The following IRAK3 variants were observed in gnomAD, a reference collection of about 807,000 sequenced individuals.
IRAK3 encodes the protein interleukin-1 receptor-associated kinase 3.
In IRAK3, 57 loss-of-function variants were observed where a neutral mutation model predicts 56.6. The ratio of observed to expected loss-of-function variants is 1.01; its 90% CI spans 0.81 to 1.26. The LOEUF (loss-of-function observed/expected upper bound fraction) is 1.26, where lower values mean the gene tolerates loss of function less well. Among genes scored for constraint, IRAK3 ranks in the 50% most tolerant of loss-of-function variants. The pLI is 0.00. For synonymous variants in IRAK3, 258 were observed against 255.7 expected, an observed-to-expected ratio of 1.01 and a Z score of -0.09; for missense variants, 703 against 719.0, an observed-to-expected ratio of 0.98 and a Z score of 0.25.
chr12:66,199,491 C>T (rs770889572), intron 1 of IRAK3, among the ~76,000 whole-genome samples: 5 of 152,102 alleles, frequency 3.3e-5, no homozygotes, highest in Non-Finnish European at 7.4e-5. Context: ...TTTTTTCCTC[C>T]CCAGGATAGT....
At chr12:66,245,826 TTATAAA>T in intron 11 of IRAK3, among the ~76,000 whole-genome samples, 1 of 152,246 alleles carries the variant, frequency 6.6e-6, no homozygotes, top group South Asian at 2.1e-4. Context: ...ATCTGGCTCA[TTATAAA>T]TGCAGCATAT....
chr12:66,230,542 G>A (rs1198429755), intron 8 of IRAK3, among the ~76,000 whole-genome samples: 1 of 152,122 alleles, frequency 6.6e-6, no homozygotes, highest in Admixed American at 6.5e-5. Flanking sequence ...AATGTGGCTG[G>A]GTGAGGCAGC....
At chr12:66,235,008 G>A (rs937596967) in intron 8 of IRAK3, 18 of 1,613,558 alleles carry the variant, frequency 1.1e-5, no homozygotes, top group Non-Finnish European at 1.4e-5. Flanking sequence ...GTTGTCTTAT[G>A]CAAAATTGCG....
chr12:66,247,913 G>T lies in IRAK3; in HGVS notation c.1533G>T (p.Gln511His). ...AGAAAACTCCTTTTGAATGCAGCCA[G>T]TCTGAGGTTATGTTTCTGAGCTTGG... ...MTQKTPFECS[Q>H]SEVMFLSLDK... Residue 511 changes from glutamine to histidine, a missense_variant, in exon 12 of 12, where the codon CAG (glutamine) becomes CAT (histidine). By Grantham distance (24) the Gln-to-His change is conservative. Transcript: ENST00000261233. The T allele has an allele frequency of 6.2e-7, 1 of 1,614,248 alleles. No homozygotes were observed. The highest frequency in any genetic ancestry group is 8.5e-7 in the Non-Finnish European group (1 of 1,180,048).
At chr12:66,207,189 G>T (rs779663316) in intron 2 of IRAK3, among the ~76,000 whole-genome samples, 1 of 151,562 alleles carries the variant, frequency 6.6e-6, no homozygotes, top group African/African-American at 2.4e-5. Context: ...CTTCTATTTC[G>T]GCCAGGCGAG....
chr12:66,223,425 C>T lies in IRAK3; in HGVS notation c.654-3298C>T, dbSNP rs573977162. Among the ~76,000 whole-genome samples, 4 of 151,790 alleles carry T rather than the reference C, an allele frequency of 2.6e-5. No homozygotes were observed. The South Asian group carries it at 6.3e-4, about 24-fold the overall frequency. ...CTGTAATCCCAGCACTTTGGGAGGCCGAGGCAGGCGGATTATGAGGTCAGG... is the reference window on the plus strand; with the variant it reads ...CTGTAATCCCAGCACTTTGGGAGGCTGAGGCAGGCGGATTATGAGGTCAGG... On this transcript the variant is annotated intron_variant, in intron 6 of 11. Coordinates refer to ENST00000261233, the MANE Select transcript of IRAK3 (RefSeq NM_007199.3).
chr12:66,250,190 A>C lies in IRAK3; in HGVS notation c.*2019A>C, dbSNP rs1038841789. 13 of 152,270 alleles carry C rather than the reference A, an allele frequency of 8.5e-5. No individual in the cohort carries two copies. The highest frequency in any genetic ancestry group is 1.9e-4 in the Non-Finnish European group (13 of 68,050). The allele number at this position is 152,270 out of a possible 1,614,324, so 9.4% of individuals were successfully genotyped here. A position where few individuals can be genotyped will look rare whatever the true frequency, so the allele number is the denominator to read the frequency against. On this transcript the variant is annotated 3_prime_UTR_variant, in exon 12 of 12. Coordinates refer to ENST00000261233, the MANE Select transcript of IRAK3 (RefSeq NM_007199.3). ...AGAAACACTGAAGAAAACCATTTTC[A>C]GAGGATTTACTGAATTTTCCTCTCC...
intron 2 of IRAK3, 88 bp downstream of exon 2, chr12:66,203,981 T>A: frequency 8.7e-7 from 1 of 1,150,240 alleles, no homozygotes; most frequent in South Asian, 1.2e-5. Flanking sequence ...TCCAAGACAT[T>A]GACTCATGCT....
At chr12:66,208,341 AC>A (rs5798809) in intron 2 of IRAK3, among the ~76,000 whole-genome samples, 19,446 of 151,638 alleles carry the variant, frequency 0.13, 2,044 homozygotes, top group East Asian at 0.39. Flanking sequence ...ACACACACAC[AC>A]AAACACACAC....
intron 1 of IRAK3, chr12:66,196,801 A>T: frequency 1.5e-6 from 2 of 1,375,948 alleles, no homozygotes; most frequent in East Asian, 2.6e-5. Flanking sequence ...CTTTAACCTT[A>T]AAAGTTCTTT....
At position 66,254,509 on chromosome 12, in the gene IRAK3, G is replaced by C. The variant is rs895217246; in HGVS notation, c.*6338G>C. ...CAAATGTTAAGGATTTTTTTTTCTG[G>C]GCTGTGGTATTTGGGTGATCTTTAC... is the stretch of plus-strand genomic sequence containing the variant. On this transcript the variant is annotated 3_prime_UTR_variant, in exon 12 of 12. Transcript: ENST00000261233. 6.7e-6 allele frequency: 1 copy of C among 150,204 alleles called. No individual in the cohort carries two copies. The highest frequency in any genetic ancestry group is 1.5e-5 in the Non-Finnish European group (1 of 67,534). The allele number at this position is 150,204 out of a possible 1,614,324, so 9.3% of individuals were successfully genotyped here. A position where few individuals can be genotyped will look rare whatever the true frequency, so the allele number is the denominator to read the frequency against.
chr12:66,219,829 C>G (rs532542073), intron 6 of IRAK3, among the ~76,000 whole-genome samples: 6 of 152,258 alleles, frequency 3.9e-5, no homozygotes, highest in Non-Finnish European at 7.4e-5. Context: ...TCATATACCT[C>G]TTAGTCATTG....
At chr12:66,228,417 C>T (rs767917476) in intron 8 of IRAK3, 47 bp downstream of exon 8, 1 of 1,255,288 alleles carries the variant, frequency 8.0e-7, no homozygotes, top group South Asian at 1.2e-5. Context: ...CTTCTTTTAT[C>T]CTCACATGTG....
intron 5 of IRAK3, among the ~76,000 whole-genome samples, chr12:66,214,418 G>A (rs956559726): frequency 1.3e-5 from 2 of 152,010 alleles, no homozygotes; most frequent in Admixed American, 6.6e-5. Context: ...GTGCCTGCCT[G>A]TAGTTCCAGC....
Position 66,228,389 on chromosome 12 carries a change from T to C in IRAK3, c.887+19T>C. 6.4e-7 allele frequency: 1 copy of C among 1,554,852 alleles called. No individual in the cohort carries two copies. Among genetic ancestry groups the C allele is most frequent in the Non-Finnish European group, 8.9e-7 (1 of 1,125,898 alleles). ...TATCAAGGTAAATTATTCCAGAGCT[T>C]TTGGTTATACCTGAAAGCTTCTTTT... is the stretch of plus-strand genomic sequence containing the variant. On this transcript the variant is annotated intron_variant, in intron 8 of 11. Coordinates refer to ENST00000261233, the MANE Select transcript of IRAK3 (RefSeq NM_007199.3).
At chr12:66,239,488 C>T (rs1198613455) in intron 8 of IRAK3, among the ~76,000 whole-genome samples, 1 of 152,058 alleles carries the variant, frequency 6.6e-6, no homozygotes, top group Non-Finnish European at 1.5e-5. Context: ...TGCCTTTATC[C>T]CCAGACGGGA....
Position 66,189,340 on chromosome 12 carries a change from A to G in IRAK3, c.41A>G (p.His14Arg), listed in dbSNP as rs2052375038. The G allele has an allele frequency of 6.5e-7, 1 of 1,532,506 alleles. No homozygotes were observed. The highest frequency in any genetic ancestry group is 1.4e-5 in the African/African-American group (1 of 72,888). 94.9% of individuals were successfully genotyped at this position (1,532,506 alleles called of 1,614,324 possible). Residue 14 changes from histidine to arginine, a missense_variant, in exon 1 of 12, where the codon CAC (histidine) becomes CGC (arginine). By Grantham distance (29) the His-to-Arg change is conservative. Coordinates refer to ENST00000261233, the MANE Select transcript of IRAK3 (RefSeq NM_007199.3). ...NCGARGALSAHTLLFDLPPAL... is the reference protein window; with the variant it reads ...NCGARGALSARTLLFDLPPAL... ...GGGGCCCGCGGCGCGCTGTCGGCGC[A>G]CACGCTGCTGTTCGACCTGCCGCCC...
rs377477163 is a variant in IRAK3 at position 66,228,461 on chromosome 12, T to G, written c.887+91T>G. On this transcript the variant is annotated intron_variant, in intron 8 of 11. Coordinates refer to ENST00000261233, the MANE Select transcript of IRAK3 (RefSeq NM_007199.3). ...TTCACACTATTCTCTGCTGTAGTTCTCCTGGTATGTATGTGTGTGTGTTAA... is the reference window on the plus strand; with the variant it reads ...TTCACACTATTCTCTGCTGTAGTTCGCCTGGTATGTATGTGTGTGTGTTAA... The G allele has an allele frequency of 7.4e-5, 64 of 869,786 alleles. 1 individual carries two copies. In the East Asian group the frequency reaches 1.1e-3, roughly 14 times the overall value. The allele number at this position is 869,786 out of a possible 1,614,324, so 53.9% of individuals were successfully genotyped here. A position where few individuals can be genotyped will look rare whatever the true frequency, so the allele number is the denominator to read the frequency against.
chr12:66,248,243 C>T lies in IRAK3; in HGVS notation c.*72C>T. 9.6e-7 allele frequency: 1 copy of T among 1,044,078 alleles called. No individual in the cohort carries two copies. The highest frequency in any genetic ancestry group is 1.5e-6 in the Non-Finnish European group (1 of 675,398). The allele number at this position is 1,044,078 out of a possible 1,614,324, so 64.7% of individuals were successfully genotyped here. On this transcript the variant is annotated 3_prime_UTR_variant, in exon 12 of 12. Coordinates refer to ENST00000261233, the MANE Select transcript of IRAK3 (RefSeq NM_007199.3). ...GAGCATAGGTATGACCTTGGGAAGA[C>T]ATTGGCTCCATAAGCAATGCCAAGA...
Sources: gnomAD v4.1 joint callset for allele counts (sites outside exome capture counted in the v4.1 genomes callset) on GRCh38, gnomAD v4.1.1 for gene constraint, MANE v1.5 for transcripts, NCBI Gene and HGNC (gene_info 2026-07-23, HGNC 2026-07-21) for gene names.